Variants in HIBCH observed in about 807,000 individuals in gnomAD.
HIBCH encodes the protein 3-hydroxyisobutyryl-CoA hydrolase, also known as 3-hydroxyisobutyryl-CoA hydrolase, mitochondrial.
Under a neutral mutation model 58.2 loss-of-function variants are expected in HIBCH, and 50 were observed. That is an observed-to-expected ratio of 0.86 (90% CI 0.68 to 1.09). HIBCH has a LOEUF of 1.09. Ranked by LOEUF, HIBCH falls within the 50% of genes least tolerant of loss-of-function variation. The probability of loss-of-function intolerance (pLI) is 0.00; values close to 1 mark genes in which losing one functional copy is unlikely to be tolerated. For missense variants in HIBCH, 450 were observed against 449.7 expected, an observed-to-expected ratio of 1.00 and a Z score of -0.01; for synonymous variants, 151 against 146.9, an observed-to-expected ratio of 1.03 and a Z score of -0.20.
At chr2:190,293,205 T>C (rs994692641) in intron 4 of HIBCH, among the ~76,000 whole-genome samples, 2 of 152,008 alleles carry the variant, frequency 1.3e-5, no homozygotes, top group African/African-American at 4.8e-5. Context: ...AATATGCATG[T>C]TGTTGGGAGG....
chr2:190,283,662 T>G (rs1687762607), intron 6 of HIBCH, among the ~76,000 whole-genome samples: 2 of 152,178 alleles, frequency 1.3e-5, no homozygotes, highest in East Asian at 3.9e-4. Flanking sequence ...TCCATAATAT[T>G]TATGGCTATT....
At chr2:190,200,124 A>G (rs1340322427), downstream of HIBCH, 1 of 1,613,880 alleles carries the variant, frequency 6.2e-7, no homozygotes, top group South Asian at 1.1e-5. Flanking sequence ...ATGACATTCC[A>G]TACATTGAGA....
intron 1 of HIBCH, among the ~76,000 whole-genome samples, chr2:190,313,184 G>A (rs943721030): frequency 8.5e-5 from 13 of 152,070 alleles, no homozygotes; most frequent in African/African-American, 3.1e-4. Context: ...CCTATCCTAC[G>A]TAACTATTGG....
In HIBCH at chr2:190,315,085, C is replaced by A. The variant is rs529389188; in HGVS notation, c.36-4289G>T. Among the ~76,000 whole-genome samples the A allele has an allele frequency of 6.6e-6, 1 of 152,010 alleles. No homozygotes were observed. Among genetic ancestry groups the A allele is most frequent in the Admixed American group, 6.6e-5 (1 of 15,264 alleles). ...GCCTCAGTCTCCTGAGTAGCTGGGA[C>A]TACAGGTGCCTGCCACCATGCCCGG... On this transcript the variant is annotated intron_variant, in intron 1 of 13. Coordinates refer to ENST00000359678, the MANE Select transcript of HIBCH (RefSeq NM_014362.4). The surrounding 1 kb of genome is among the most constrained non-coding windows in gnomAD (Gnocchi z 5.4).
At chr2:190,248,866 AAAAAAAAAAAAC>A (rs1484016154) in intron 9 of HIBCH, among the ~76,000 whole-genome samples, 1 of 71,900 alleles carries the variant, frequency 1.4e-5, no homozygotes, top group African/African-American at 7.8e-5. Context: ...GCTTCAAAAC[AAAAAAAAAAAAC>A]AAAAAAAAAA....
At chr2:190,310,355 T>C (rs570906413) in intron 2 of HIBCH, among the ~76,000 whole-genome samples, 25 of 152,358 alleles carry the variant, frequency 1.6e-4, no homozygotes, top group Non-Finnish European at 3.2e-4. Flanking sequence ...CTCCCTTTCA[T>C]ATATACATAT....
chr2:190,276,154 T>C (rs1251311664), intron 6 of HIBCH, among the ~76,000 whole-genome samples: 1 of 152,152 alleles, frequency 6.6e-6, no homozygotes, highest in African/African-American at 2.4e-5. Context: ...GCAACAATTC[T>C]TTGGGACGCT....
chr2:190,306,145 G>A lies in HIBCH; in HGVS notation c.78+4609C>T, dbSNP rs919786953. Among the ~76,000 whole-genome samples the A allele has an allele frequency of 1.2e-4, 18 of 151,870 alleles. No homozygotes were observed. Among genetic ancestry groups the A allele is most frequent in the Admixed American group, 2.0e-4 (3 of 15,234 alleles). ...CAAAACACACACACAGACAACCACC[G>A]AAAGTATAATATAGAACTTAGTCAA... On this transcript the variant is annotated intron_variant, in intron 2 of 13. Coordinates refer to ENST00000359678, the MANE Select transcript of HIBCH (RefSeq NM_014362.4). This position sits in a 1 kb window ranked among gnomAD's most constrained non-coding sequence, Gnocchi z 4.6.
chr2:190,313,394 C>T (rs552858090), intron 1 of HIBCH, among the ~76,000 whole-genome samples: 1 of 152,266 alleles, frequency 6.6e-6, no homozygotes, highest in African/African-American at 2.4e-5. Flanking sequence ...AAGGACAACC[C>T]AAATGCGTAA....
chr2:190,290,282 T>A, intron 5 of HIBCH, 123 bp downstream of exon 5: 1 of 719,936 alleles, frequency 1.4e-6, no homozygotes, highest in Admixed American at 2.2e-5. Flanking sequence ...ACTTTACTTA[T>A]GCCTGGCACA....
At chr2:190,232,085 C>A (rs976364184) in intron 11 of HIBCH, among the ~76,000 whole-genome samples, 4 of 152,194 alleles carry the variant, frequency 2.6e-5, no homozygotes, top group Admixed American at 2.6e-4. Context: ...ATCCCAGCTA[C>A]TTGGGAGGCT....
intron 11 of HIBCH, chr2:190,213,309 A>T (rs3815961): frequency 4.1e-6 from 2 of 488,854 alleles, no homozygotes; most frequent in South Asian, 4.6e-5. Flanking sequence ...AAATAAATCC[A>T]TATTTGTAGT....
In HIBCH at chr2:190,198,824, C is replaced by A. The variant is rs1284897706; in HGVS notation, c.*17+6276G>T. Among the ~76,000 whole-genome samples, 3 of 151,948 alleles carry A rather than the reference C, an allele frequency of 2.0e-5. No homozygotes were observed. In the East Asian group the frequency reaches 5.8e-4, roughly 29 times the overall value. The stretch of plus-strand genomic sequence containing the variant: ...GTATTGTTTTAGTTATCCTTAAGTC[C>A]CTTAAGAGGAGTTCATTCTGTGATA... On this transcript the variant is annotated intron_variant, in intron 1 of 1. Coordinates refer to the HIBCH transcript ENST00000399855.
chr2:190,311,135 G>T (rs1688544747), intron 1 of HIBCH: 1 of 440,986 alleles, frequency 2.3e-6, no homozygotes, highest in Non-Finnish European at 4.3e-6. Flanking sequence ...AAAAAAATTG[G>T]ACGAAACTTA....
At chr2:190,314,313 A>G (rs1688641753) in intron 1 of HIBCH, among the ~76,000 whole-genome samples, 1 of 13,740 alleles carries the variant, frequency 7.3e-5, no homozygotes, top group Non-Finnish European at 1.0e-3. Context: ...ATATATGTGT[A>G]TATATATGTA....
chr2:190,266,929 G>GT (rs1175987505), intron 6 of HIBCH, among the ~76,000 whole-genome samples: 4 of 150,582 alleles, frequency 2.7e-5, no homozygotes, highest in East Asian at 3.9e-4. Context: ...GCTAGTTTTT[G>GT]TTTTTTTAGT....
In HIBCH at chr2:190,306,814, G is replaced by C. The variant is rs1199596386; in HGVS notation, c.78+3940C>G. Among the ~76,000 whole-genome samples, 1 of 152,098 alleles carries C rather than the reference G, an allele frequency of 6.6e-6. No individual in the cohort carries two copies. Among genetic ancestry groups the C allele is most frequent in the Non-Finnish European group, 1.5e-5 (1 of 68,012 alleles). On this transcript the variant is annotated intron_variant, in intron 2 of 13. Coordinates refer to ENST00000359678, the MANE Select transcript of HIBCH (RefSeq NM_014362.4). The surrounding 1 kb of genome is among the most constrained non-coding windows in gnomAD (Gnocchi z 4.6). ...GAGTGGGACCTTTGAGAGGTAATTA[G>C]GTCATGTCAGCCCTCATGAATGAGA...
At chr2:190,222,010 G>A (rs1685733235) in intron 11 of HIBCH, among the ~76,000 whole-genome samples, 1 of 152,154 alleles carries the variant, frequency 6.6e-6, no homozygotes, top group South Asian at 2.1e-4. Context: ...TCAGGTGAAG[G>A]TGCAAAAGTC....
At chr2:190,280,425 G>T (rs954238154) in intron 6 of HIBCH, among the ~76,000 whole-genome samples, 1 of 152,120 alleles carries the variant, frequency 6.6e-6, no homozygotes, top group South Asian at 2.1e-4. Flanking sequence ...TCAGGTGGTT[G>T]TTAAACTATC....
Sources: allele counts gnomAD v4.1 joint callset (sites outside exome capture counted in the v4.1 genomes callset), GRCh38; gene constraint gnomAD v4.1.1; non-coding constraint Gnocchi (gnomAD v3.1); transcripts MANE v1.5; gene names NCBI Gene and HGNC (gene_info 2026-07-23, HGNC 2026-07-21).